Variants in ATR observed in about 807,000 individuals in gnomAD.
ATR encodes the protein serine/threonine-protein kinase ATR.
In ATR, 142 loss-of-function variants were observed where a neutral mutation model predicts 305.3. The ratio of observed to expected loss-of-function variants is 0.47; its 90% CI spans 0.41 to 0.53. The LOEUF (loss-of-function observed/expected upper bound fraction) is 0.53. ATR is among the 20% of genes least tolerant of loss of function. The pLI, the probability that ATR is intolerant of heterozygous loss-of-function variation, is 0.00. For missense variants in ATR, 2,135 were observed against 3,133.1 expected (o/e 0.68, Z 7.60); for synonymous variants, 1,050 against 1,068.1 (o/e 0.98, Z 0.33).
chr3:142,502,325 T>C (rs2032013471), intron 30 of ATR, among the ~76,000 whole-genome samples: 1 of 152,074 alleles, frequency 6.6e-6, no homozygotes, highest in African/African-American at 2.4e-5. Flanking sequence ...TAAGTGCCCA[T>C]CAATGGTAGA....
Position 142,566,199 on chromosome 3 carries a change from T to C in ATR, c.214A>G (p.Ile72Val), listed in dbSNP as rs1394561249. The change falls in exon 3 of 47, where the codon ATC becomes GTC. Residue 72 changes from isoleucine to valine, a missense_variant. Ile to Val is a conservative substitution (Grantham distance 29). This residue lies in a region of ATR where 744 missense variants were observed against 873.2 expected (regional missense o/e 0.85). Coordinates refer to ENST00000350721, the MANE Select transcript of ATR (RefSeq NM_001184.4). ...GGGGAGGATTTCATGATATGCTGGA[T>C]GAAATCAAGCAACATCACGGAGGTT... ...QPTSVMLLDF[I>V]QHIMKSSPLM... 6.2e-7 allele frequency: 1 copy of C among 1,614,122 alleles called. No homozygotes were observed. Among genetic ancestry groups the C allele is most frequent in the Non-Finnish European group, 8.5e-7 (1 of 1,179,954 alleles).
intron 35 of ATR, among the ~76,000 whole-genome samples, chr3:142,490,700 T>C (rs2031225413): frequency 6.6e-6 from 1 of 152,134 alleles, no homozygotes; most frequent in Non-Finnish European, 1.5e-5. Context: ...GAGGCAGAGG[T>C]TGAAGATCAT....
intron 19 of ATR, among the ~76,000 whole-genome samples, 184 bp downstream of exon 19, chr3:142,538,298 T>C (rs1047109404): frequency 6.6e-6 from 1 of 152,172 alleles, no homozygotes; most frequent in Non-Finnish European, 1.5e-5. Context: ...ATAATTATAA[T>C]AGAAGCAATG....
Position 142,449,417 on chromosome 3 carries a change from CATA to C in ATR, c.*9_*11del. The C allele has an allele frequency of 6.3e-7, 1 of 1,589,726 alleles. No homozygotes were observed. The highest frequency in any genetic ancestry group is 8.6e-7 in the Non-Finnish European group (1 of 1,158,004). On this transcript the variant is annotated 3_prime_UTR_variant, in exon 47 of 47. Coordinates refer to ENST00000350721, the MANE Select transcript of ATR (RefSeq NM_001184.4). Reference sequence around the variant, plus strand: ...TTTAGATTATTAACATATTCTTTTACATAATTTCATTTCACATATATGGAGTCC... The same window carrying C: ...TTTAGATTATTAACATATTCTTTTACATTTCATTTCACATATATGGAGTCC...
rs749802925 is a variant in ATR, at chr3:142,535,124, T to C, written c.3901A>G (p.Ile1301Val). 1.2e-6 allele frequency: 2 copies of C among 1,613,188 alleles called. No homozygotes were observed. The highest frequency in any genetic ancestry group is 2.2e-5 in the South Asian group (2 of 91,054). ...TCCTTCAAGCTTGTAAGAGCATGAATACGAACATCGACATTTTCATGTTGA... is the reference window on the plus strand; with the variant it reads ...TCCTTCAAGCTTGTAAGAGCATGAACACGAACATCGACATTTTCATGTTGA... ...AIQHENVDVR[I>V]HALTSLKETL... Residue 1301 changes from isoleucine (I) to valine (V), a missense_variant, in exon 21 of 47, where the codon ATT becomes GTT. Coordinates refer to ENST00000350721, the MANE Select transcript of ATR (RefSeq NM_001184.4).
chr3:142,479,026 G>A (rs1453544709), intron 36 of ATR, among the ~76,000 whole-genome samples: 1 of 152,102 alleles, frequency 6.6e-6, no homozygotes, highest in Non-Finnish European at 1.5e-5. Flanking sequence ...ACACTGATGG[G>A]TCTTGACTCT....
chr3:142,524,058 C>A lies in ATR; in HGVS notation c.4087G>T (p.Ala1363Ser), dbSNP rs1553764531. Residue 1363 changes from alanine (A) to serine (S), a missense_variant, in exon 22 of 47, where the codon GCG (alanine) becomes TCG (serine). This residue lies in a region of ATR where 530 missense variants were observed against 766.8 expected (regional missense o/e 0.69). Transcript: ENST00000350721. Reference sequence around the variant, plus strand: ...AAATCTAATCGACCTGGATCTATCGCCCCCAATTCCCCTAAACATTCCCCA... The same window carrying A: ...AAATCTAATCGACCTGGATCTATCGACCCCAATTCCCCTAAACATTCCCCA... ...LCGECLGELG[A>S]IDPGRLDFST... The A allele has an allele frequency of 6.2e-7, 1 of 1,614,102 alleles. No homozygotes were observed. Among genetic ancestry groups the A allele is most frequent in the East Asian group, 2.2e-5 (1 of 44,862 alleles).
At chr3:142,537,678 T>C (rs900560082) in intron 19 of ATR, among the ~76,000 whole-genome samples, 1 of 152,128 alleles carries the variant, frequency 6.6e-6, no homozygotes, top group Admixed American at 6.6e-5. Flanking sequence ...GGTAAATAAG[T>C]AGTACTTCAA....
chr3:142,572,296 A>G (rs1371252853), intron 1 of ATR, among the ~76,000 whole-genome samples: 1 of 138,388 alleles, frequency 7.2e-6, no homozygotes, highest in Non-Finnish European at 1.5e-5. Context: ...GTTTCGATTT[A>G]CTGACCTCAT....
At chr3:142,518,466 G>T (rs959296615) in intron 24 of ATR, among the ~76,000 whole-genome samples, 43 of 152,170 alleles carry the variant, frequency 2.8e-4, no homozygotes, top group African/African-American at 1.0e-3. Flanking sequence ...GCAGTGAGCT[G>T]ATACCGCATC....
At chr3:142,454,864 C>A (rs753730981) in intron 45 of ATR, among the ~76,000 whole-genome samples, 19 of 152,180 alleles carry the variant, frequency 1.2e-4, no homozygotes, top group Non-Finnish European at 2.2e-4. Context: ...CCCCTAAGAT[C>A]AGGAACAAGA....
intron 15 of ATR, 133 bp downstream of exon 15, chr3:142,549,346 A>T: frequency 1.6e-6 from 1 of 610,022 alleles, no homozygotes; most frequent in Non-Finnish European, 2.7e-6. Context: ...ATTATTTAAC[A>T]TAACAACATT....
chr3:142,457,629 G>T lies in ATR; in HGVS notation c.7630C>A (p.Arg2544Ser). 1 of 1,613,930 alleles carries T rather than the reference G, an allele frequency of 6.2e-7. No homozygotes were observed. The highest frequency in any genetic ancestry group is 8.5e-7 in the Non-Finnish European group (1 of 1,179,930). ...RACEVTMRLMRDQREPLMSVL... is the reference protein window; with the variant it reads ...RACEVTMRLMSDQREPLMSVL... ...CTCATTAAAGGCTCTCGCTGATCAC[G>T]CATCAGCCTCATTGTAACTTCACAT... is the stretch of plus-strand genomic sequence containing the variant. The change falls in exon 45 of 47, where the codon CGT (arginine) becomes AGT (serine). Residue 2544 changes from arginine to serine, a missense_variant. Physicochemically the swap from Arg to Ser is moderately radical, Grantham distance 110. Coordinates refer to ENST00000350721, the MANE Select transcript of ATR (RefSeq NM_001184.4).
chr3:142,537,904 A>G (rs1298498588), intron 19 of ATR, among the ~76,000 whole-genome samples: 2 of 152,240 alleles, frequency 1.3e-5, no homozygotes, highest in Non-Finnish European at 2.9e-5. Context: ...AGTAAGAAAT[A>G]GTCTGTGGCC....
At position 142,568,149 on chromosome 3, in the gene ATR, G is replaced by A; in HGVS notation, c.65C>T (p.Thr22Ile). The change falls in exon 2 of 47, where the codon ACA becomes ATA. Residue 22 changes from threonine (T) to isoleucine (I), a missense_variant. Thr to Ile is a moderately conservative substitution (Grantham distance 89). This residue lies in a region of ATR where 744 missense variants were observed against 873.2 expected (regional missense o/e 0.85). Transcript: ENST00000350721. Reference sequence around the variant, plus strand: ...TACAACTGTATTATATTCCTCTGGTGTGGCACTAAAATACAAATTAAAAGC... The same window carrying A: ...TACAACTGTATTATATTCCTCTGGTATGGCACTAAAATACAAATTAAAAGC... ...IPALRELGSA[T>I]PEEYNTVVQK... 1 of 1,610,636 alleles carries A rather than the reference G, an allele frequency of 6.2e-7. No homozygotes were observed. The highest frequency in any genetic ancestry group is 8.5e-7 in the Non-Finnish European group (1 of 1,177,214).
At chr3:142,455,913 T>G (rs2070894998) in intron 45 of ATR, among the ~76,000 whole-genome samples, 1 of 152,242 alleles carries the variant, frequency 6.6e-6, no homozygotes, top group Admixed American at 6.5e-5. Flanking sequence ...TTTAAAACTT[T>G]TATGTTTCAA....
chr3:142,485,001 A>C, intron 36 of ATR, 139 bp downstream of exon 36: 1 of 1,269,578 alleles, frequency 7.9e-7, no homozygotes, highest in Non-Finnish European at 1.1e-6. Flanking sequence ...GGAAAAATTT[A>C]CATCTTATCT....
chr3:142,466,366 T>C lies in ATR; in HGVS notation c.6855A>G (p.Pro2285=), dbSNP rs780345174. 16 of 1,613,986 alleles carry C rather than the reference T, an allele frequency of 9.9e-6. No individual in the cohort carries two copies. The highest frequency in any genetic ancestry group is 1.4e-5 in the Non-Finnish European group (16 of 1,179,918). The change falls in exon 40 of 47, where the codon CCA becomes CCG. Residue 2285 remains proline (P), a synonymous_variant. Transcript: ENST00000350721. The part of the protein sequence containing the change: ...GTHANHASHE[P]FPGHWAYIAG... ...CAATATAGGCCCAATGTCCAGGAAA[T>C]GGTTCATGGCTAGCATGGTTAGCAT...
chr3:142,451,884 G>A, intron 46 of ATR: 1 of 1,315,720 alleles, frequency 7.6e-7, no homozygotes, highest in Non-Finnish European at 1.0e-6. Flanking sequence ...GTTTTAACAG[G>A]TTCAAGAACT....
Sources: allele counts gnomAD v4.1 joint callset (sites outside exome capture counted in the v4.1 genomes callset), GRCh38; gene constraint gnomAD v4.1.1; regional missense constraint gnomAD v4.1.1; transcripts MANE v1.5; gene names NCBI Gene and HGNC (gene_info 2026-07-23, HGNC 2026-07-21).